The following SHROOM2 variants were observed in gnomAD, a reference collection of about 807,000 sequenced individuals.
The protein encoded by SHROOM2 is protein Shroom2.
Under a neutral mutation model 75.9 loss-of-function variants are expected in SHROOM2, and 33 were observed. The observed-to-expected ratio is 0.43, with a 90% confidence interval of 0.33 to 0.58. SHROOM2 has a LOEUF of 0.58. SHROOM2 is among the 20% of genes least tolerant of loss of function. The pLI is 0.04. For missense variants in SHROOM2, 1,434 were observed against 1,461.2 expected, an observed-to-expected ratio of 0.98 and a Z score of 0.30; for synonymous variants, 655 against 663.6, an observed-to-expected ratio of 0.99 and a Z score of 0.20.
At chrX:9,854,453 T>C (rs1156916308) in intron 1 of SHROOM2, among the ~76,000 whole-genome samples, 2 of 111,857 alleles carry the variant, frequency 1.8e-5, no homozygotes, top group Non-Finnish European at 3.8e-5. Context: ...CCAGCTGAGA[T>C]TGACCTGCTG....
At chrX:9,794,210 C>G (rs957476931) in intron 1 of SHROOM2, among the ~76,000 whole-genome samples, 6 of 111,818 alleles carry the variant, frequency 5.4e-5, no homozygotes, top group African/African-American at 2.0e-4. Flanking sequence ...TGAGAAACTG[C>G]TAACCACAAA....
intron 1 of SHROOM2, among the ~76,000 whole-genome samples, chrX:9,847,608 C>T (rs1284852505): frequency 8.9e-6 from 1 of 112,092 alleles, no homozygotes; most frequent in African/African-American, 3.2e-5. Context: ...GCAAAACGGC[C>T]AGTTGCATAA....
chrX:9,927,022 C>G (rs941523465), intron 5 of SHROOM2, among the ~76,000 whole-genome samples: 2 of 110,935 alleles, frequency 1.8e-5, no homozygotes, highest in Non-Finnish European at 3.8e-5. Flanking sequence ...GTCTGCAAAT[C>G]AGAATGCATC....
At chrX:9,859,173 C>T (rs551330532) in intron 1 of SHROOM2, among the ~76,000 whole-genome samples, 374 of 112,141 alleles carry the variant, frequency 3.3e-3, no homozygotes, top group African/African-American at 0.012. Context: ...TGAGATTGCG[C>T]CACTGTACTC....
In SHROOM2 at chrX:9,898,531, A is replaced by G. The variant is rs1015179241; in HGVS notation, c.2891+241A>G. On this transcript the variant is annotated intron_variant, in intron 5 of 9. Transcript: ENST00000380913. ...GGAGGCCTTCTTACACGGCGGTGAC[A>G]TTTTTTGGTTCTTAAAATGGCTACT... Among the ~76,000 whole-genome samples, 8 of 112,135 alleles carry G rather than the reference A, an allele frequency of 7.1e-5. No individual in the cohort carries two copies. In the Admixed American group the frequency reaches 7.5e-4, roughly 11 times the overall value.
Position 9,948,430 on chromosome X carries a change from C to G in SHROOM2, c.*1493C>G, listed in dbSNP as rs2147071099. ...TGTTGGATCAACGGATCATTTTAAC[C>G]CTGACTTCCCCTTATTCCCATAAAA... is the stretch of plus-strand genomic sequence containing the variant. On this transcript the variant is annotated 3_prime_UTR_variant, in exon 10 of 10. Coordinates refer to ENST00000380913, the MANE Select transcript of SHROOM2 (RefSeq NM_001649.4). 1 of 112,589 alleles carries G rather than the reference C, an allele frequency of 8.9e-6. No homozygotes were observed. The highest frequency in any genetic ancestry group is 3.2e-5 in the African/African-American group (1 of 30,991). The allele number at this position is 112,589 out of a possible 1,213,427, so 9.3% of individuals were successfully genotyped here. A position where few individuals can be genotyped will look rare whatever the true frequency, so the allele number is the denominator to read the frequency against.
At chrX:9,849,478 T>TG (rs1476249922) in intron 1 of SHROOM2, among the ~76,000 whole-genome samples, 1 of 112,080 alleles carries the variant, frequency 8.9e-6, no homozygotes, top group Admixed American at 9.5e-5. Flanking sequence ...TTGTGGCACT[T>TG]GCTAAGCTGG....
intron 1 of SHROOM2, among the ~76,000 whole-genome samples, chrX:9,829,306 G>C (rs1222964151): frequency 8.9e-6 from 1 of 112,568 alleles, no homozygotes; most frequent in East Asian, 2.8e-4. Context: ...TTACAGGCAT[G>C]AGCCACCACG....
At chrX:9,799,308 C>T (rs1403869897) in intron 1 of SHROOM2, among the ~76,000 whole-genome samples, 1 of 107,933 alleles carries the variant, frequency 9.3e-6, no homozygotes, top group Non-Finnish European at 1.9e-5. Context: ...GCTGGGATTA[C>T]AGGTGCGCCA....
intron 1 of SHROOM2, among the ~76,000 whole-genome samples, chrX:9,837,663 C>T (rs1366227346): frequency 8.9e-6 from 1 of 112,191 alleles, no homozygotes; most frequent in African/African-American, 3.2e-5. Flanking sequence ...GTGGAGACAG[C>T]ACCAGGTGGC....
At chrX:9,813,379 T>C (rs1258466208) in intron 1 of SHROOM2, among the ~76,000 whole-genome samples, 1 of 111,609 alleles carries the variant, frequency 9.0e-6, no homozygotes, top group Admixed American at 9.5e-5. Context: ...CTACTTCAAC[T>C]GGAGGACCAC....
intron 1 of SHROOM2, among the ~76,000 whole-genome samples, chrX:9,856,900 G>A (rs767485297): frequency 4.4e-5 from 5 of 112,601 alleles, no homozygotes; most frequent in South Asian, 3.7e-4. Context: ...CGCTGGGACC[G>A]CACATGCCAC....
At position 9,873,737 on chromosome X, in the gene SHROOM2, G is replaced by C. The variant is rs1454667469; in HGVS notation, c.251G>C (p.Gly84Ala). The C allele has an allele frequency of 2.5e-6, 3 of 1,209,575 alleles. No individual in the cohort carries two copies. The highest frequency in any genetic ancestry group is 3.4e-6 in the Non-Finnish European group (3 of 895,011). The stretch of plus-strand genomic sequence containing the variant: ...GGCATCAATGACATTGGTCTCTCAG[G>C]GTTTAGACAGGAAGCGATTTGCCTG... ...IVGINDIGLS[G>A]FRQEAICLVK... is the part of the protein sequence containing the mutation. Residue 84 changes from glycine to alanine, a missense_variant, in exon 2 of 10, where the codon GGG becomes GCG. This residue lies in a region of SHROOM2 where 1,340 missense variants were observed against 1,338.3 expected (regional missense o/e 1.00). Transcript: ENST00000380913.
At chrX:9,873,250 G>A (rs2084180654) in intron 1 of SHROOM2, among the ~76,000 whole-genome samples, 1 of 112,548 alleles carries the variant, frequency 8.9e-6, no homozygotes, top group Admixed American at 9.4e-5. Flanking sequence ...TTATTTGAGT[G>A]AATATATGGT....
At chrX:9,886,275 A>G (rs968811666) in intron 2 of SHROOM2, among the ~76,000 whole-genome samples, 7 of 112,367 alleles carry the variant, frequency 6.2e-5, no homozygotes, top group African/African-American at 1.3e-4. Flanking sequence ...CTTCCATGCC[A>G]TCAGCCTCTC....
intron 1 of SHROOM2, among the ~76,000 whole-genome samples, chrX:9,852,031 G>T (rs1266358478): frequency 9.0e-6 from 1 of 111,522 alleles, no homozygotes; most frequent in African/African-American, 3.3e-5. Context: ...CCCTTGTTCT[G>T]TTCCTTTAAA....
chrX:9,868,203 T>C (rs988164689), intron 1 of SHROOM2, among the ~76,000 whole-genome samples: 10 of 100,422 alleles, frequency 1.0e-4, no homozygotes, highest in African/African-American at 4.0e-4. Flanking sequence ...AGGACACAAC[T>C]TCATTTATTT....
intron 1 of SHROOM2, among the ~76,000 whole-genome samples, chrX:9,794,430 C>T (rs781722618): frequency 3.6e-5 from 4 of 111,397 alleles, no homozygotes; most frequent in African/African-American, 6.5e-5. Flanking sequence ...AGTGCAATGG[C>T]GAGATCTCGG....
intron 1 of SHROOM2, among the ~76,000 whole-genome samples, chrX:9,866,380 C>A (rs1450076455): frequency 9.1e-6 from 1 of 109,866 alleles, no homozygotes; most frequent in Non-Finnish European, 1.9e-5. Context: ...CAGAATTGAT[C>A]AATTGCAGGT....
Sources: allele counts gnomAD v4.1 joint callset (sites outside exome capture counted in the v4.1 genomes callset), GRCh38; gene constraint gnomAD v4.1.1; regional missense constraint gnomAD v4.1.1; transcripts MANE v1.5; gene names NCBI Gene and HGNC (gene_info 2026-07-23, HGNC 2026-07-21).